ZNF787: variants seen among roughly 807,000 people sequenced by gnomAD.
ZNF787 encodes TTF-I-interacting peptide 20.
A neutral mutation model predicts 16.9 loss-of-function variants in ZNF787; 7 were observed. The observed-to-expected ratio is 0.42, with a 90% CI of 0.24 to 0.78. The LOEUF (loss-of-function observed/expected upper bound fraction) is 0.78, where lower values mean the gene tolerates loss of function less well. ZNF787 is among the 30% of genes least tolerant of loss of function. The probability of loss-of-function intolerance (pLI) is 0.30; values close to 1 mark genes in which losing one functional copy is unlikely to be tolerated. For missense variants in ZNF787, 551 were observed against 589.3 expected, an observed-to-expected ratio of 0.94 and a Z score of 0.67; for synonymous variants, 345 against 270.9, an observed-to-expected ratio of 1.27 and a Z score of -2.69.
In ZNF787 at chr19:56,088,967, T is replaced by C; in HGVS notation, c.205A>G (p.Asn69Asp). 1 of 1,538,208 alleles carries C rather than the reference T, an allele frequency of 6.5e-7. No homozygotes were observed. The highest frequency in any genetic ancestry group is 8.8e-7 in the Non-Finnish European group (1 of 1,142,054). ...TGGCTAAAGCTCTTGCCACACTCGTTGCAGATGTAGGGGGCGGGCGGCCGC... is the reference window on the plus strand; with the variant it reads ...TGGCTAAAGCTCTTGCCACACTCGTCGCAGATGTAGGGGGCGGGCGGCCGC... ...RPRPPAPYIC[N>D]ECGKSFSHWS... Residue 69 changes from asparagine to aspartate, a missense_variant, in exon 3 of 3, where the codon AAC (asparagine) becomes GAC (aspartate). By Grantham distance (23) the Asn-to-Asp change is conservative. Coordinates refer to ENST00000610935, the MANE Select transcript of ZNF787 (RefSeq NM_001002836.4). The surrounding 1 kb of genome is among the most constrained non-coding windows in gnomAD (Gnocchi z 8.6).
chr19:56,108,782 ACAGGCAGACCTCCCCT>A (rs924486508), intron 1 of ZNF787, among the ~76,000 whole-genome samples: 2 of 152,100 alleles, frequency 1.3e-5, no homozygotes, highest in African/African-American at 4.8e-5. Flanking sequence ...ACGCGGAAGG[ACAGGCAGACCTCCCCT>A]CGGACAGACC....
At position 56,087,997 on chromosome 19, in the gene ZNF787, C is replaced by T. The variant is rs1275431157; in HGVS notation, c.*26G>A. 12 of 624,150 alleles carry T rather than the reference C, an allele frequency of 1.9e-5. No individual in the cohort carries two copies. The highest frequency in any genetic ancestry group is 7.2e-5 in the South Asian group (2 of 27,728). The allele number at this position is 624,150 out of a possible 1,614,324, so 38.7% of individuals were successfully genotyped here. A position where few individuals can be genotyped will look rare whatever the true frequency, so the allele number is the denominator to read the frequency against. On this transcript the variant is annotated 3_prime_UTR_variant, in exon 3 of 3. Coordinates refer to ENST00000610935, the MANE Select transcript of ZNF787 (RefSeq NM_001002836.4). ...CTCCCGCCAAGCCCGAGGGGCCCTGCCCGCCCCCCCCCCCGGGCCCCTCCC... is the reference window on the plus strand; with the variant it reads ...CTCCCGCCAAGCCCGAGGGGCCCTGTCCGCCCCCCCCCCCGGGCCCCTCCC...
intron 1 of ZNF787, among the ~76,000 whole-genome samples, chr19:56,112,717 T>C (rs2030016444): frequency 6.6e-6 from 1 of 151,514 alleles, no homozygotes; most frequent in Non-Finnish European, 1.5e-5. Flanking sequence ...TCCCCCCAAG[T>C]CATCCTCCAA....
chr19:56,087,821 C>T lies in ZNF787; in HGVS notation c.*202G>A, dbSNP rs1006868288. The T allele has an allele frequency of 7.2e-6, 6 of 834,108 alleles. No individual in the cohort carries two copies. Among genetic ancestry groups the T allele is most frequent in the Non-Finnish European group, 7.9e-6 (5 of 629,670 alleles). The allele number at this position is 834,108 out of a possible 1,614,324, so 51.7% of individuals were successfully genotyped here. A position where few individuals can be genotyped will look rare whatever the true frequency, so the allele number is the denominator to read the frequency against. On this transcript the variant is annotated 3_prime_UTR_variant, in exon 3 of 3. Coordinates refer to ENST00000610935, the MANE Select transcript of ZNF787 (RefSeq NM_001002836.4). ...GCGGGCCAGGCTGAGGGGGCAGAGT[C>T]TCGAGGCGGAGAAGTGAACGGGCCC...
intron 1 of ZNF787, among the ~76,000 whole-genome samples, chr19:56,114,625 C>A (rs1387240518): frequency 6.6e-6 from 1 of 152,208 alleles, no homozygotes; most frequent in African/African-American, 2.4e-5. Context: ...CTGAGGCCCA[C>A]ACCCCACCTT....
chr19:56,097,445 G>A (rs946365958), intron 2 of ZNF787, among the ~76,000 whole-genome samples: 2 of 152,226 alleles, frequency 1.3e-5, no homozygotes, highest in African/African-American at 4.8e-5. Flanking sequence ...GGGAAACGCC[G>A]TGCTGTGAAC....
At chr19:56,113,257 G>A (rs1019379507) in intron 1 of ZNF787, among the ~76,000 whole-genome samples, 1 of 152,208 alleles carries the variant, frequency 6.6e-6, no homozygotes, top group African/African-American at 2.4e-5. Flanking sequence ...AGGACCAGGA[G>A]AAGTGGGGAG....
rs202236165 is a variant in ZNF787, at chr19:56,100,679, T to C, written c.79+2460A>G. 7.0e-4 allele frequency among the ~76,000 whole-genome samples: 80 copies of C among 114,048 alleles called. 1 individual carries two copies. The highest frequency in any genetic ancestry group is 4.1e-3 in the East Asian group (14 of 3,448). The allele number at this position is 114,048 out of a possible 152,430, so 74.8% of individuals were successfully genotyped here. A position where few individuals can be genotyped will look rare whatever the true frequency, so the allele number is the denominator to read the frequency against. On this transcript the variant is annotated intron_variant, in intron 2 of 2. Coordinates refer to ENST00000610935, the MANE Select transcript of ZNF787 (RefSeq NM_001002836.4). Reference sequence around the variant, plus strand: ...ACCTACGATGTCTGTCACTGTCACATAGGAGGGACGCACATAAGCGGGACC... The same window carrying C: ...ACCTACGATGTCTGTCACTGTCACACAGGAGGGACGCACATAAGCGGGACC...
chr19:56,103,089 G>A (rs1020000176), intron 2 of ZNF787, 50 bp downstream of exon 2: 8 of 1,592,648 alleles, frequency 5.0e-6, no homozygotes, highest in African/African-American at 1.3e-5. Context: ...AGGAAGCCAG[G>A]GTCAGGTGGG....
At chr19:56,113,084 G>C (rs2030027217) in intron 1 of ZNF787, among the ~76,000 whole-genome samples, 1 of 152,020 alleles carries the variant, frequency 6.6e-6, no homozygotes. Flanking sequence ...AACCCAATTA[G>C]AACCCGGGCA....
chr19:56,102,494 CGCAA>C (rs1377233387), intron 2 of ZNF787: 4 of 196,392 alleles, frequency 2.0e-5, no homozygotes, highest in African/African-American at 2.3e-5. Flanking sequence ...ATGGGGCCTT[CGCAA>C]GCAAACCTGG....
At chr19:56,101,330 C>T (rs1986091437) in intron 2 of ZNF787, among the ~76,000 whole-genome samples, 2 of 152,258 alleles carry the variant, frequency 1.3e-5, no homozygotes, top group South Asian at 4.1e-4. Flanking sequence ...GGGCGTCACG[C>T]AGGGGTGATG....
chr19:56,098,821 T>TTACGGCCGCAGGGTGA (rs151030732), intron 2 of ZNF787, among the ~76,000 whole-genome samples: 1 of 116,070 alleles, frequency 8.6e-6, no homozygotes, highest in African/African-American at 2.7e-5. Context: ...GCCCGGGTGA[T>TTACGGCCGCAGGGTGA]TACGGCCGCA....
At chr19:56,107,882 G>C (rs569832679) in intron 1 of ZNF787, among the ~76,000 whole-genome samples, 1 of 148,116 alleles carries the variant, frequency 6.8e-6, no homozygotes, top group Admixed American at 6.6e-5. Flanking sequence ...GCGGAAGAGA[G>C]AGCTTGAAGG....
chr19:56,099,150 G>A (rs186928488), intron 2 of ZNF787, among the ~76,000 whole-genome samples: 253 of 152,242 alleles, frequency 1.7e-3, no homozygotes, highest in African/African-American at 5.3e-3. Flanking sequence ...AGCTGAGAGC[G>A]TCCCCACTGC....
At position 56,088,701 on chromosome 19, in the gene ZNF787, G is replaced by A. The variant is rs1038164987; in HGVS notation, c.471C>T (p.Arg157=). ...EKPYTCPDCG[R]SFTQSKSLAK... is the part of the protein sequence containing the mutation. The stretch of plus-strand genomic sequence containing the variant: ...CCAGGCTCTTGCTCTGAGTGAAGCT[G>A]CGGCCGCAGTCGGGGCAGGTGTAGG... Residue 157 remains arginine (R), a synonymous_variant, in exon 3 of 3, where the codon CGC becomes CGT. Coordinates refer to ENST00000610935, the MANE Select transcript of ZNF787 (RefSeq NM_001002836.4). The surrounding 1 kb of genome is among the most constrained non-coding windows in gnomAD (Gnocchi z 8.6). The A allele has an allele frequency of 1.2e-6, 2 of 1,603,182 alleles. No homozygotes were observed. Among genetic ancestry groups the A allele is most frequent in the African/African-American group, 2.7e-5 (2 of 74,670 alleles).
Position 56,107,844 on chromosome 19 carries a change from C to A in ZNF787, c.-10-4617G>T, listed in dbSNP as rs551822477. Among the ~76,000 whole-genome samples the A allele has an allele frequency of 4.5e-3, 637 of 142,054 alleles. 3 individuals are homozygous for A. The highest frequency in any genetic ancestry group is 0.017 in the African/African-American group (573 of 34,688). The allele number at this position is 142,054 out of a possible 152,430, so 93.2% of individuals were successfully genotyped here. On this transcript the variant is annotated intron_variant, in intron 1 of 2. Transcript: ENST00000610935. Reference sequence around the variant, plus strand: ...GCATGCTGGGGGCTGCGGGAGAGGCCGCTCGAAGGCCGGGCATGCTGGGGG... The same window carrying A: ...GCATGCTGGGGGCTGCGGGAGAGGCAGCTCGAAGGCCGGGCATGCTGGGGG...
chr19:56,096,254 AAAAAAAAT>A (rs767500681), intron 2 of ZNF787, among the ~76,000 whole-genome samples: 7,131 of 114,400 alleles, frequency 0.062, 542 homozygotes, highest in African/African-American at 0.21. Flanking sequence ...ATAAAAAAAT[AAAAAAAAT>A]AAAAAAACTA....
Position 56,103,256 on chromosome 19 carries a change from A to C in ZNF787, c.-10-29T>G, listed in dbSNP as rs768238300. 3.3e-6 allele frequency: 5 copies of C among 1,520,944 alleles called. No individual in the cohort carries two copies. The South Asian group carries it at 6.6e-5, about 20-fold the overall frequency. The allele number at this position is 1,520,944 out of a possible 1,614,324, so 94.2% of individuals were successfully genotyped here. ...TTAGAAGGGGATGAGACAGAAGGAC[A>C]GAGTTTATGGGGTGCCAGGCTGCAC... On this transcript the variant is annotated intron_variant, in intron 1 of 2. Transcript: ENST00000610935.
Sources: allele counts gnomAD v4.1 joint callset (sites outside exome capture counted in the v4.1 genomes callset), GRCh38; gene constraint gnomAD v4.1.1; non-coding constraint Gnocchi (gnomAD v3.1); transcripts MANE v1.5; gene names NCBI Gene and HGNC (gene_info 2026-07-23, HGNC 2026-07-21).